CADM1: variants seen among roughly 807,000 people sequenced by gnomAD.
The protein encoded by CADM1 is TSLC-1.
CADM1 carries 15 observed loss-of-function variants against 53.1 expected under a neutral mutation model. The observed-to-expected ratio is 0.28, with a 90% CI of 0.19 to 0.44. The LOEUF is 0.44. CADM1 is among the 20% of genes least tolerant of loss of function. The pLI, the probability that CADM1 is intolerant of heterozygous loss-of-function variation, is 1.00. For missense variants in CADM1, 434 were observed against 611.3 expected, an observed-to-expected ratio of 0.71 and a Z score of 3.06; for synonymous variants, 281 against 243.0, an observed-to-expected ratio of 1.16 and a Z score of -1.45.
At chr11:115,279,517 T>C (rs10502203) in intron 1 of CADM1, among the ~76,000 whole-genome samples, 8,085 of 152,280 alleles carry the variant, frequency 0.053, 571 homozygotes, top group East Asian at 0.35. Flanking sequence ...ATTTGTACAA[T>C]AGATTCTGTA....
At chr11:115,206,755 C>CTCCTTTT (rs1940701726) in intron 8 of CADM1, among the ~76,000 whole-genome samples, 1 of 5,430 alleles carries the variant, frequency 1.8e-4, no homozygotes, top group Non-Finnish European at 5.9e-4. Context: ...TGACTGTGGA[C>CTCCTTTT]TTCTTTTTTT....
intron 1 of CADM1, among the ~76,000 whole-genome samples, chr11:115,434,885 G>A (rs1273502772): frequency 1.5e-5 from 2 of 132,470 alleles, no homozygotes; most frequent in African/African-American, 2.7e-5. Context: ...TTTTGAGACA[G>A]AGTCTCACTC....
intron 8 of CADM1, among the ~76,000 whole-genome samples, chr11:115,208,142 A>T (rs1940786343): frequency 6.6e-6 from 1 of 152,228 alleles, no homozygotes; most frequent in South Asian, 2.1e-4. Context: ...ACACACAGAC[A>T]AGAATCTAGG....
Position 115,193,073 on chromosome 11 carries a change from G to C in CADM1, c.1112-2132C>G, listed in dbSNP as rs191535131. ...AAGCACTGGGTGTGCAAGTGGGGAC[G>C]AGCAAAATTTATCTCCTAAAACTGA... On this transcript the variant is annotated intron_variant, in intron 9 of 11. Transcript: ENST00000331581. Among the ~76,000 whole-genome samples, 21 of 152,278 alleles carry C rather than the reference G, an allele frequency of 1.4e-4. 1 individual carries two copies. In the East Asian group the frequency reaches 4.0e-3, roughly 29 times the overall value.
chr11:115,373,804 C>T (rs1471844761), intron 1 of CADM1, among the ~76,000 whole-genome samples: 1 of 152,062 alleles, frequency 6.6e-6, no homozygotes, highest in Non-Finnish European at 1.5e-5. Context: ...CTTTACCTCC[C>T]AGAAACTACT....
At chr11:115,371,635 TG>T (rs2135125777) in intron 1 of CADM1, among the ~76,000 whole-genome samples, 2 of 143,514 alleles carry the variant, frequency 1.4e-5, no homozygotes, top group African/African-American at 5.0e-5. Context: ...CTTGTCAGAC[TG>T]GATTTTTTTT....
intron 8 of CADM1, among the ~76,000 whole-genome samples, chr11:115,205,982 C>T (rs1248909308): frequency 1.3e-5 from 2 of 152,210 alleles, no homozygotes; most frequent in East Asian, 3.8e-4. Context: ...ACATTGTAAG[C>T]TGGAAATCCA....
intron 1 of CADM1, among the ~76,000 whole-genome samples, chr11:115,415,017 G>C (rs576788201): frequency 6.6e-6 from 1 of 152,270 alleles, no homozygotes; most frequent in South Asian, 2.1e-4. Context: ...CTTTAGACTT[G>C]GATGAGGAAG....
intron 1 of CADM1, among the ~76,000 whole-genome samples, chr11:115,442,190 C>G (rs1565429974): frequency 6.6e-6 from 1 of 151,054 alleles, no homozygotes. Context: ...AGGATTAGAC[C>G]CTGGGAAGCA....
intron 1 of CADM1, among the ~76,000 whole-genome samples, chr11:115,436,167 A>G (rs1028704448): frequency 2.0e-5 from 3 of 152,188 alleles, no homozygotes; most frequent in Non-Finnish European, 2.9e-5. Flanking sequence ...ATACACACAT[A>G]CATACATATT....
intron 1 of CADM1, among the ~76,000 whole-genome samples, chr11:115,435,279 G>T (rs1271474996): frequency 6.6e-6 from 1 of 152,138 alleles, no homozygotes; most frequent in Non-Finnish European, 1.5e-5. Context: ...ACAGTAAAGG[G>T]TCTGGAACTG....
intron 1 of CADM1, among the ~76,000 whole-genome samples, chr11:115,355,797 C>T (rs1945853922): frequency 6.6e-6 from 1 of 151,930 alleles, no homozygotes; most frequent in South Asian, 2.1e-4. Flanking sequence ...CTTTATGCAT[C>T]GTATTACTCT....
intron 1 of CADM1, among the ~76,000 whole-genome samples, chr11:115,327,722 T>C (rs1944997406): frequency 6.6e-6 from 1 of 152,120 alleles, no homozygotes; most frequent in Admixed American, 6.6e-5. Context: ...ACCAGCCTCA[T>C]GTGACCAAGC....
chr11:115,460,692 T>G (rs965239952), intron 1 of CADM1, among the ~76,000 whole-genome samples: 3 of 152,098 alleles, frequency 2.0e-5, no homozygotes, highest in Admixed American at 2.0e-4. Context: ...TATTCTCCCT[T>G]TTCTCAGCTC....
At chr11:115,255,681 A>C (rs1184655183) in intron 1 of CADM1, among the ~76,000 whole-genome samples, 1 of 152,226 alleles carries the variant, frequency 6.6e-6, no homozygotes, top group Non-Finnish European at 1.5e-5. Flanking sequence ...CATGAATCCT[A>C]GCCACCAAAT....
At chr11:115,449,033 A>T (rs758657661) in intron 1 of CADM1, among the ~76,000 whole-genome samples, 17 of 152,276 alleles carry the variant, frequency 1.1e-4, no homozygotes, top group Non-Finnish European at 2.1e-4. Context: ...AGGAGCAGAG[A>T]CCAAGAGGGA....
intron 1 of CADM1, among the ~76,000 whole-genome samples, chr11:115,300,105 T>G (rs573672973): frequency 6.6e-6 from 1 of 152,222 alleles, no homozygotes; most frequent in East Asian, 1.9e-4. Context: ...CAGCCTAAAT[T>G]AGGCTACAAA....
At position 115,504,278 on chromosome 11, in the gene CADM1, G is replaced by A; in HGVS notation, c.117C>T (p.Ile39=). The change falls in exon 1 of 12, where the codon ATC becomes ATT. Residue 39 remains isoleucine (I), a synonymous_variant. Coordinates refer to ENST00000331581, the MANE Select transcript of CADM1 (RefSeq NM_001301043.2). ...GTCGGTGCCCACACCTACCTGTGGG[G>A]ATCAGTGCCGCGGCGGAGAAGAGCA... ...LLLLFSAAAL[I]PTGDGQNLFT... 1 of 1,572,000 alleles carries A rather than the reference G, an allele frequency of 6.4e-7. No individual in the cohort carries two copies.
At position 115,171,140 on chromosome 11, in the gene CADM1, A is replaced by G. The variant is rs1037247172; in HGVS notation, c.*5334T>C. 2 of 152,156 alleles carry G rather than the reference A, an allele frequency of 1.3e-5. No individual in the cohort carries two copies. The highest frequency in any genetic ancestry group is 4.8e-5 in the African/African-American group (2 of 41,424). 9.4% of individuals were successfully genotyped at this position (152,156 alleles called of 1,614,324 possible). On this transcript the variant is annotated 3_prime_UTR_variant, in exon 12 of 12. Transcript: ENST00000331581. ...GGGGCCAGCGCTTCAAAAACTATAC[A>G]TGTATGGCTGTGAATACAAATTTCA...
Sources: gnomAD v4.1 joint callset for allele counts (sites outside exome capture counted in the v4.1 genomes callset) on GRCh38, gnomAD v4.1.1 for gene constraint, MANE v1.5 for transcripts, NCBI Gene and HGNC (gene_info 2026-07-23, HGNC 2026-07-21) for gene names.